TASP1: variants seen among roughly 807,000 people sequenced by gnomAD.
TASP1 encodes threonine aspartase 1.
A neutral mutation model predicts 56.6 loss-of-function variants in TASP1; 16 were observed. The observed-to-expected ratio is 0.28, with a 90% confidence interval of 0.19 to 0.43. TASP1 has a LOEUF of 0.43. TASP1 is among the 20% of genes least tolerant of loss of function. The pLI, the probability that TASP1 is intolerant of heterozygous loss-of-function variation, is 1.00. For missense variants in TASP1, 393 were observed against 511.6 expected (o/e 0.77, Z 2.24); for synonymous variants, 179 against 184.2 (o/e 0.97, Z 0.23).
the TASP1 span, among the ~76,000 whole-genome samples, chr20:13,180,688 C>T: frequency 6.6e-6 from 1 of 152,126 alleles, no homozygotes; most frequent in Non-Finnish European, 1.5e-5. Context: ...ATCGCCAGGC[C>T]GTGAGAAACT....
intron 11 of TASP1, among the ~76,000 whole-genome samples, chr20:13,453,405 T>C (rs1239673904): frequency 6.6e-6 from 1 of 152,150 alleles, no homozygotes; most frequent in Non-Finnish European, 1.5e-5. Context: ...AATGGTCACA[T>C]TAATCAGGGA....
the TASP1 span, among the ~76,000 whole-genome samples, chr20:13,180,927 T>TA: frequency 6.6e-6 from 1 of 152,192 alleles, no homozygotes; most frequent in Non-Finnish European, 1.5e-5. Context: ...CAAGATTTAA[T>TA]AAAAAGAGTC....
chr20:13,616,150 C>A (rs1304592207), intron 4 of TASP1, among the ~76,000 whole-genome samples: 1 of 152,036 alleles, frequency 6.6e-6, no homozygotes, highest in Non-Finnish European at 1.5e-5. Context: ...CTAATTAAAT[C>A]CCTTTTGTGT....
chr20:13,429,476 AT>A (rs563660526), intron 12 of TASP1, among the ~76,000 whole-genome samples: 9,598 of 148,808 alleles, frequency 0.064, 439 homozygotes, highest in African/African-American at 0.14. Context: ...TTTGTCAATT[AT>A]TTTTTTTTTT....
At chr20:13,439,130 A>G (rs2043125801) in intron 11 of TASP1, among the ~76,000 whole-genome samples, 1 of 152,230 alleles carries the variant, frequency 6.6e-6, no homozygotes, top group Admixed American at 6.5e-5. Flanking sequence ...TAGAAACACC[A>G]TTTGACCCAG....
At chr20:13,286,454 A>C in the TASP1 span, among the ~76,000 whole-genome samples, 1 of 152,108 alleles carries the variant, frequency 6.6e-6, no homozygotes, top group Admixed American at 6.5e-5. Context: ...AAGGCAGCCG[A>C]ATTTCCTGAC....
At chr20:13,351,821 A>C in the TASP1 span, among the ~76,000 whole-genome samples, 1 of 152,350 alleles carries the variant, frequency 6.6e-6, no homozygotes, top group East Asian at 1.9e-4. Flanking sequence ...GTGTCACCAT[A>C]GAACAGTGCT....
At chr20:13,364,920 A>ATT in the TASP1 span, among the ~76,000 whole-genome samples, 3 of 148,018 alleles carry the variant, frequency 2.0e-5, no homozygotes, top group African/African-American at 7.4e-5. Context: ...CCATTGAACT[A>ATT]TTTTTTTTTT....
the TASP1 span, among the ~76,000 whole-genome samples, chr20:13,323,688 A>G: frequency 1.3e-5 from 2 of 152,190 alleles, 1 homozygote; most frequent in Non-Finnish European, 2.9e-5. Context: ...TATACATGTC[A>G]TGGACTACTC....
chr20:13,629,847 G>C (rs1313132157), intron 2 of TASP1, 87 bp downstream of exon 2: 13 of 1,584,682 alleles, frequency 8.2e-6, no homozygotes, highest in Non-Finnish European at 1.1e-5. Context: ...CCTCCTCCAA[G>C]TGTGAAATGT....
chr20:13,529,650 T>C (rs548434296), intron 9 of TASP1, among the ~76,000 whole-genome samples: 34 of 152,248 alleles, frequency 2.2e-4, no homozygotes, highest in African/African-American at 7.9e-4. Flanking sequence ...TTGAAAACAA[T>C]AGCAAGCTAC....
chr20:13,212,021 G>A, the TASP1 span, among the ~76,000 whole-genome samples: 1 of 152,144 alleles, frequency 6.6e-6, no homozygotes, highest in Non-Finnish European at 1.5e-5. Context: ...TCATACTAAT[G>A]AAATGGAGTG....
intron 4 of TASP1, among the ~76,000 whole-genome samples, chr20:13,610,279 A>T (rs1411202805): frequency 6.6e-6 from 1 of 152,246 alleles, no homozygotes; most frequent in Non-Finnish European, 1.5e-5. Context: ...ACTTCAATTT[A>T]AAAAGGCAGA....
the TASP1 span, among the ~76,000 whole-genome samples, chr20:13,190,149 A>G: frequency 2.0e-4 from 31 of 152,246 alleles, no homozygotes; most frequent in African/African-American, 7.2e-4. Context: ...GGGGACTCCA[A>G]AAGAGGGTAG....
the TASP1 span, among the ~76,000 whole-genome samples, chr20:13,378,599 C>A: frequency 1.3e-5 from 2 of 152,144 alleles, no homozygotes; most frequent in Middle Eastern, 3.4e-3. Flanking sequence ...TCTGCTTGGT[C>A]CAGAGCTGAG....
At chr20:13,151,840 A>G in the TASP1 span, among the ~76,000 whole-genome samples, 61 of 152,166 alleles carry the variant, frequency 4.0e-4, 1 homozygote, top group Non-Finnish European at 7.2e-4. Context: ...CTCCTTGGAC[A>G]CAGCCCTTCA....
chr20:13,322,821 T>C, the TASP1 span, among the ~76,000 whole-genome samples: 3 of 152,110 alleles, frequency 2.0e-5, no homozygotes, highest in Non-Finnish European at 4.4e-5. Context: ...CTGTGTCAAC[T>C]TGAAAACAGT....
At chr20:13,221,304 C>T in the TASP1 span, among the ~76,000 whole-genome samples, 34 of 147,928 alleles carry the variant, frequency 2.3e-4, no homozygotes, top group Non-Finnish European at 4.4e-4. Flanking sequence ...TCTCTGGCGG[C>T]CGCTCCCGCT....
At chr20:13,618,021 C>A (rs2048581544) in intron 4 of TASP1, among the ~76,000 whole-genome samples, 1 of 152,006 alleles carries the variant, frequency 6.6e-6, no homozygotes, top group Admixed American at 6.6e-5. Context: ...CCTATTCCTG[C>A]AGCTGCACAA....
Sources: allele counts gnomAD v4.1 joint callset (sites outside exome capture counted in the v4.1 genomes callset), GRCh38; gene constraint gnomAD v4.1.1; transcripts MANE v1.5; gene names NCBI Gene and HGNC (gene_info 2026-07-23, HGNC 2026-07-21).